Variants in VAV3 observed in about 807,000 individuals in gnomAD.
VAV3 encodes the protein vav guanine nucleotide exchange factor 3.
A neutral mutation model predicts 131.2 loss-of-function variants in VAV3; 94 were observed. The ratio of observed to expected loss-of-function variants is 0.72; its 90% CI spans 0.61 to 0.85. VAV3 has a LOEUF of 0.85. Ranked by LOEUF, VAV3 falls within the 40% of genes least tolerant of loss-of-function variation. The pLI is 0.00. For missense variants in VAV3, 939 were observed against 1,002.7 expected, an observed-to-expected ratio of 0.94 and a Z score of 0.86; for synonymous variants, 349 against 342.0, an observed-to-expected ratio of 1.02 and a Z score of -0.22.
chr1:107,782,826 C>A (rs762598988), intron 2 of VAV3, among the ~76,000 whole-genome samples: 5 of 152,226 alleles, frequency 3.3e-5, no homozygotes, highest in Non-Finnish European at 5.9e-5. Flanking sequence ...TGACCTGCCA[C>A]TGGAAACATC....
At chr1:107,684,221 T>C (rs545937159) in intron 18 of VAV3, among the ~76,000 whole-genome samples, 20 of 152,318 alleles carry the variant, frequency 1.3e-4, no homozygotes, top group African/African-American at 4.6e-4. Flanking sequence ...TGGCTACATA[T>C]TTTATTTCTA....
Position 107,879,232 on chromosome 1 carries a change from T to C in VAV3, c.205-4215A>G, listed in dbSNP as rs142162211. On this transcript the variant is annotated intron_variant, in intron 1 of 26. Coordinates refer to ENST00000370056, the MANE Select transcript of VAV3 (RefSeq NM_006113.5). ...TTTCTCCAAATAAGTCTTATTTTCA[T>C]TTATACAATAAATAGTATTTGGAAA... Among the ~76,000 whole-genome samples the C allele has an allele frequency of 4.1e-3, 626 of 152,318 alleles. 5 individuals carry two copies. The highest frequency in any genetic ancestry group is 0.014 in the African/African-American group (588 of 41,572).
intron 15 of VAV3, among the ~76,000 whole-genome samples, chr1:107,735,948 A>G (rs1425883936): frequency 6.6e-6 from 1 of 152,236 alleles, no homozygotes; most frequent in Non-Finnish European, 1.5e-5. Flanking sequence ...CATCAATACA[A>G]AAATCCTCAA....
chr1:107,791,739 C>G (rs1359991870), intron 2 of VAV3, among the ~76,000 whole-genome samples: 2 of 152,020 alleles, frequency 1.3e-5, no homozygotes, highest in East Asian at 3.9e-4. Context: ...TTTTTGAAAC[C>G]CTGAGGTCCA....
chr1:107,697,373 G>T (rs147293289), intron 17 of VAV3, among the ~76,000 whole-genome samples: 12 of 152,308 alleles, frequency 7.9e-5, no homozygotes, highest in African/African-American at 2.9e-4. Context: ...GAACTTAAAA[G>T]AAGGAGAGAG....
intron 2 of VAV3, among the ~76,000 whole-genome samples, chr1:107,818,677 T>C (rs2102352429): frequency 1.3e-5 from 2 of 152,308 alleles, no homozygotes; most frequent in Admixed American, 1.3e-4. Context: ...AACACATGAA[T>C]GTAAAACACA....
In VAV3 at chr1:107,666,052, T is replaced by C. The variant is rs116542362; in HGVS notation, c.1777+17436A>G. ...CACTATGTTCATAAGTAACACCACG[T>C]GGCCTGAAGAATAGAGGTTTTTATG... On this transcript the variant is annotated intron_variant, in intron 19 of 26. Coordinates refer to ENST00000370056, the MANE Select transcript of VAV3 (RefSeq NM_006113.5). 9.0e-3 allele frequency among the ~76,000 whole-genome samples: 1,366 copies of C among 152,306 alleles called. 12 individuals carry two copies. Among genetic ancestry groups the C allele is most frequent in the African/African-American group, 0.028 (1,161 of 41,562 alleles).
chr1:107,889,386 C>T (rs1671207582), intron 1 of VAV3, among the ~76,000 whole-genome samples: 1 of 152,010 alleles, frequency 6.6e-6, no homozygotes, highest in Non-Finnish European at 1.5e-5. Flanking sequence ...GAGGAATACT[C>T]CAGGTAGACA....
At position 107,617,603 on chromosome 1, in the gene VAV3, T is replaced by C. The variant is rs1231380218; in HGVS notation, c.1944A>G (p.Gly648=). 1 of 1,610,172 alleles carries C rather than the reference T, an allele frequency of 6.2e-7. No individual in the cohort carries two copies. Among genetic ancestry groups the C allele is most frequent in the Admixed American group, 1.7e-5 (1 of 59,610 alleles). Residue 648 remains glycine (G), a synonymous_variant, in exon 21 of 27, where the codon GGA becomes GGG. Coordinates refer to ENST00000370056, the MANE Select transcript of VAV3 (RefSeq NM_006113.5). ...GCTTGACTGCATCACTTGGAAAAAATCCAACCTCTCCAGATGCTAAATTTC... is the reference window on the plus strand; with the variant it reads ...GCTTGACTGCATCACTTGGAAAAAACCCAACCTCTCCAGATGCTAAATTTC... ...QGRNLASGEV[G]FFPSDAVKPC... is the part of the protein sequence containing the mutation.
At chr1:107,773,678 C>G (rs1339103759) in intron 4 of VAV3, among the ~76,000 whole-genome samples, 3 of 152,086 alleles carry the variant, frequency 2.0e-5, no homozygotes, top group Non-Finnish European at 4.4e-5. Context: ...TTTGGGACAC[C>G]AGGGAGATGG....
chr1:107,649,317 G>A (rs1570682933), intron 19 of VAV3, among the ~76,000 whole-genome samples: 1 of 152,060 alleles, frequency 6.6e-6, no homozygotes, highest in Non-Finnish European at 1.5e-5. Context: ...CTGAAGAGGA[G>A]GCCAAGAGAG....
In VAV3 at chr1:107,572,667, A is replaced by C. The variant is rs1438847157; in HGVS notation, c.*664T>G. On this transcript the variant is annotated 3_prime_UTR_variant, in exon 27 of 27. Coordinates refer to ENST00000370056, the MANE Select transcript of VAV3 (RefSeq NM_006113.5). ...TTTCACCTTTTATAAAGAAGTTTGC[A>C]AATATAATCAGGACACCAAATAAGT... The C allele has an allele frequency of 1.3e-5, 2 of 152,648 alleles. No homozygotes were observed. Among genetic ancestry groups the C allele is most frequent in the East Asian group, 3.8e-4 (2 of 5,196 alleles). 9.5% of individuals were successfully genotyped at this position (152,648 alleles called of 1,614,324 possible).
At chr1:107,817,067 G>A (rs1667591050) in intron 2 of VAV3, among the ~76,000 whole-genome samples, 1 of 152,204 alleles carries the variant, frequency 6.6e-6, no homozygotes, top group Non-Finnish European at 1.5e-5. Flanking sequence ...AGAGACTCTA[G>A]AGGTGCTAAG....
chr1:107,832,166 T>G (rs1668282060), intron 2 of VAV3, among the ~76,000 whole-genome samples: 1 of 152,230 alleles, frequency 6.6e-6, no homozygotes, highest in Admixed American at 6.5e-5. Flanking sequence ...GATCTGGTTA[T>G]AAGAGCAACA....
At chr1:107,691,393 C>T (rs115305181) in intron 17 of VAV3, among the ~76,000 whole-genome samples, 3 of 152,114 alleles carry the variant, frequency 2.0e-5, no homozygotes, top group Non-Finnish European at 4.4e-5. Flanking sequence ...CTATGGTGGG[C>T]ACTTGGATCT....
intron 2 of VAV3, among the ~76,000 whole-genome samples, chr1:107,806,949 T>C (rs1289251474): frequency 6.6e-6 from 1 of 152,186 alleles, no homozygotes; most frequent in African/African-American, 2.4e-5. Context: ...TAATACAATG[T>C]AAATGTAAAT....
intron 17 of VAV3, among the ~76,000 whole-genome samples, chr1:107,703,078 TC>T (rs1023705173): frequency 3.9e-5 from 6 of 152,244 alleles, no homozygotes; most frequent in African/African-American, 1.4e-4. Flanking sequence ...AACTATGGGA[TC>T]ATTTTACATT....
At chr1:107,645,600 C>T (rs778304698) in intron 19 of VAV3, among the ~76,000 whole-genome samples, 56 of 151,960 alleles carry the variant, frequency 3.7e-4, no homozygotes, top group Non-Finnish European at 4.3e-4. Flanking sequence ...CATTACATTG[C>T]TAAGAATGTG....
At chr1:107,952,468 T>TATATATATA (rs142331597) in intron 1 of VAV3, among the ~76,000 whole-genome samples, 2 of 119,028 alleles carry the variant, frequency 1.7e-5, no homozygotes, top group African/African-American at 3.5e-5. Context: ...TAACAAAACT[T>TATATATATA]TATATATATA....
Sources: allele counts gnomAD v4.1 joint callset (sites outside exome capture counted in the v4.1 genomes callset), GRCh38; gene constraint gnomAD v4.1.1; transcripts MANE v1.5; gene names NCBI Gene and HGNC (gene_info 2026-07-23, HGNC 2026-07-21).